The following ATP8B2 variants were observed in gnomAD, a reference collection of about 807,000 sequenced individuals.
ATP8B2 encodes the protein ATPase phospholipid transporting 8B2.
Under a neutral mutation model 133.4 loss-of-function variants are expected in ATP8B2, and 70 were observed. The observed-to-expected ratio is 0.52, with a 90% CI of 0.43 to 0.64. The LOEUF (loss-of-function observed/expected upper bound fraction) is 0.64, where lower values mean the gene tolerates loss of function less well. Ranked by LOEUF, ATP8B2 falls within the 30% of genes least tolerant of loss-of-function variation. ATP8B2 has a pLI of 0.00. For missense variants in ATP8B2, 1,101 were observed against 1,535.7 expected (o/e 0.72, Z 4.73); for synonymous variants, 517 against 589.5 (o/e 0.88, Z 1.78).
At chr1:154,337,119 TA>T (rs68062313) in intron 11 of ATP8B2, among the ~76,000 whole-genome samples, 103,124 of 147,730 alleles carry the variant, frequency 0.7, 36,356 homozygotes, top group South Asian at 0.84. Context: ...TTTTTTTTTT[TA>T]TAATTATTTT....
chr1:154,346,564 CTG>C lies in ATP8B2; in HGVS notation c.3025-55_3025-54del. On this transcript the variant is annotated intron_variant, in intron 25 of 27. Coordinates refer to ENST00000368489, the MANE Select transcript of ATP8B2 (RefSeq NM_001370597.1). The surrounding 1 kb of genome is among the most constrained non-coding windows in gnomAD (Gnocchi z 4.5). ...TGCCCTGGGCACCACAGTTCTGTTT[CTG>C]GGGGAAGGGGCTTTTAGGGCGTGCG... 2 of 1,611,514 alleles carry C rather than the reference CTG, an allele frequency of 1.2e-6. No homozygotes were observed. Among genetic ancestry groups the C allele is most frequent in the African/African-American group, 2.7e-5 (2 of 74,968 alleles).
At chr1:154,348,663 C>A in intron 27 of ATP8B2, 125 bp downstream of exon 27, 1 of 1,441,788 alleles carries the variant, frequency 6.9e-7, no homozygotes, top group East Asian at 2.4e-5. Context: ...TCTGTTCTTC[C>A]TGGGGACAGA....
At position 154,342,858 on chromosome 1, in the gene ATP8B2, C is replaced by T. The variant is rs1182571938; in HGVS notation, c.1350C>T (p.Asp450=). 1.2e-6 allele frequency: 2 copies of T among 1,614,064 alleles called. No individual in the cohort carries two copies. Among genetic ancestry groups the T allele is most frequent in the Non-Finnish European group, 1.7e-6 (2 of 1,180,036 alleles). The change falls in exon 15 of 28, where the codon GAC becomes GAT. Residue 450 remains aspartate, a synonymous_variant. Coordinates refer to ENST00000368489, the MANE Select transcript of ATP8B2 (RefSeq NM_001370597.1). ...CTGACAAGAAGTTCTTATTTTGGGA[C>T]CCCAGCCTGCTGGAGGCTGTCAAGA... is the stretch of plus-strand genomic sequence containing the variant. ...PLADKKFLFW[D]PSLLEAVKIG...
Position 154,332,168 on chromosome 1 carries a change from G to A in ATP8B2, c.509+144G>A, listed in dbSNP as rs74909154. 1,859 of 769,222 alleles carry A rather than the reference G, an allele frequency of 2.4e-3. 34 individuals carry two copies. The African/African-American group carries it at 0.029, about 12-fold the overall frequency. 47.6% of individuals were successfully genotyped at this position (769,222 alleles called of 1,614,324 possible). On this transcript the variant is annotated intron_variant, in intron 8 of 27. Coordinates refer to ENST00000368489, the MANE Select transcript of ATP8B2 (RefSeq NM_001370597.1). ...AAAGGCTTTGGATGGGATGTGTGAA[G>A]TGTTATTCAACCAGTATTTGCTGGG...
rs369520582 is a variant in ATP8B2, at chr1:154,334,491, A to G, written c.749-12A>G. ...TTATTTGGCTTTCCCAGCCCTTCCC[A>G]TTCTTTTCCAGGTCCCGACACTAAG... On this transcript the variant is annotated splice_polypyrimidine_tract_variant and intron_variant, in intron 10 of 27. Transcript: ENST00000368489. The surrounding 1 kb of genome is among the most constrained non-coding windows in gnomAD (Gnocchi z 4.6). The G allele has an allele frequency of 5.4e-5, 87 of 1,613,872 alleles. No individual in the cohort carries two copies. The African/African-American group carries it at 9.5e-4, about 18-fold the overall frequency.
In ATP8B2 at chr1:154,348,947, G is replaced by T. The variant is rs777656802; in HGVS notation, c.3402G>T (p.Gln1134His). Residue 1134 changes from glutamine to histidine, a missense_variant, in exon 28 of 28, where the codon CAG (glutamine) becomes CAT (histidine). Gln to His is a conservative substitution (Grantham distance 24). Coordinates refer to ENST00000368489, the MANE Select transcript of ATP8B2 (RefSeq NM_001370597.1). ...SRRSGYAFSH[Q>H]EGFGELIMSG... Reference sequence around the variant, plus strand: ...GCTCCGGCTATGCCTTCTCCCATCAGGAGGGCTTCGGGGAGCTCATCATGT... The same window carrying T: ...GCTCCGGCTATGCCTTCTCCCATCATGAGGGCTTCGGGGAGCTCATCATGT... The T allele has an allele frequency of 6.2e-7, 1 of 1,614,280 alleles. No individual in the cohort carries two copies. Among genetic ancestry groups the T allele is most frequent in the East Asian group, 2.2e-5 (1 of 44,892 alleles).
chr1:154,332,535 G>A, intron 8 of ATP8B2, 83 bp from the exon 9 acceptor site: 1 of 1,131,138 alleles, frequency 8.8e-7, no homozygotes, highest in Admixed American at 2.0e-5. Flanking sequence ...TCCAGCCTGA[G>A]CAGCAGAGCG....
In ATP8B2 at chr1:154,343,338, C is replaced by T; in HGVS notation, c.1642+37C>T. 1 of 1,610,020 alleles carries T rather than the reference C, an allele frequency of 6.2e-7. No homozygotes were observed. The highest frequency in any genetic ancestry group is 2.2e-5 in the East Asian group (1 of 44,762). On this transcript the variant is annotated intron_variant, in intron 16 of 27. Coordinates refer to ENST00000368489, the MANE Select transcript of ATP8B2 (RefSeq NM_001370597.1). The surrounding 1 kb of genome is among the most constrained non-coding windows in gnomAD (Gnocchi z 5.8). ...CCTGGGGTGCTGGGGCGTTTGGGGA[C>T]AGCATTCAGGCCTGGAATGGGTGAA... is the stretch of plus-strand genomic sequence containing the variant.
chr1:154,348,994 GCT>G lies in ATP8B2; in HGVS notation c.3455_3456del (p.Leu1152ArgfsTer15). On this transcript the variant is annotated frameshift_variant, in exon 28 of 28. Coordinates refer to ENST00000368489, the MANE Select transcript of ATP8B2 (RefSeq NM_001370597.1). LOFTEE classifies it high-confidence loss of function. The stretch of plus-strand genomic sequence containing the variant: ...ATGTCTGGCAAGAACATGCGGCTGA[GCT>G]CTCTCGCGCTCTCCAGCTTCACCAC... 1.2e-6 allele frequency: 2 copies of G among 1,614,274 alleles called. No homozygotes were observed. The highest frequency in any genetic ancestry group is 1.7e-6 in the Non-Finnish European group (2 of 1,180,048).
In ATP8B2 at chr1:154,328,166, C is replaced by T. The variant is rs1407629713; in HGVS notation, c.25C>T (p.Pro9Ser). 1 of 1,613,698 alleles carries T rather than the reference C, an allele frequency of 6.2e-7. No homozygotes were observed. Among genetic ancestry groups the T allele is most frequent in the Non-Finnish European group, 8.5e-7 (1 of 1,179,856 alleles). MAVCAKKR[P>S]PEEERRARAN... ...GATGGCAGTGTGTGCAAAAAAGCGCCCCCCAGGTAAGACAGGCAAGGAGGG... is the reference window on the plus strand; with the variant it reads ...GATGGCAGTGTGTGCAAAAAAGCGCTCCCCAGGTAAGACAGGCAAGGAGGG... Residue 9 changes from proline (P) to serine (S), a missense_variant, in exon 2 of 28, where the codon CCC (proline) becomes TCC (serine). Transcript: ENST00000368489. This position sits in a 1 kb window ranked among gnomAD's most constrained non-coding sequence, Gnocchi z 4.6.
In ATP8B2 at chr1:154,343,242, C is replaced by G; in HGVS notation, c.1583C>G (p.Thr528Ser). The change falls in exon 16 of 28, where the codon ACC (threonine) becomes AGC (serine). Residue 528 changes from threonine (T) to serine (S), a missense_variant. By Grantham distance (58) the Thr-to-Ser change is moderately conservative. Transcript: ENST00000368489. The surrounding 1 kb of genome is among the most constrained non-coding windows in gnomAD (Gnocchi z 5.8). Reference protein sequence around the residue: ...ITVHEMGTAITYQLLAILDFN... With the variant: ...ITVHEMGTAISYQLLAILDFN... ...GTCCATGAGATGGGCACAGCCATCA[C>G]CTACCAGCTGCTGGCCATCCTGGAC... 2.5e-6 allele frequency: 4 copies of G among 1,614,128 alleles called. No homozygotes were observed. The highest frequency in any genetic ancestry group is 3.4e-6 in the Non-Finnish European group (4 of 1,180,028).
intron 2 of ATP8B2, among the ~76,000 whole-genome samples, chr1:154,330,073 G>T (rs1341096011): frequency 6.6e-6 from 1 of 152,214 alleles, no homozygotes; most frequent in Non-Finnish European, 1.5e-5. Flanking sequence ...AGCAAAAGGG[G>T]CTGGGGAATC....
At position 154,344,789 on chromosome 1, in the gene ATP8B2, G is replaced by A; in HGVS notation, c.2286+4G>A. ...GGTCATAAATGGTCACAGCCTGGTA[G>A]GCATCGCTATCCTTAGCTTGGGCAG... On this transcript the variant is annotated splice_donor_region_variant and intron_variant, in intron 21 of 27. Transcript: ENST00000368489. The surrounding 1 kb of genome is among the most constrained non-coding windows in gnomAD (Gnocchi z 4.1). 6.3e-7 allele frequency: 1 copy of A among 1,594,384 alleles called. No homozygotes were observed. Among genetic ancestry groups the A allele is most frequent in the Non-Finnish European group, 8.6e-7 (1 of 1,164,860 alleles).
chr1:154,338,369 G>A (rs1366120483), intron 12 of ATP8B2, among the ~76,000 whole-genome samples: 1 of 152,104 alleles, frequency 6.6e-6, no homozygotes, highest in Non-Finnish European at 1.5e-5. Context: ...ACCATTAAAA[G>A]TTATTGAAAA....
chr1:154,329,883 G>A (rs969205077), intron 2 of ATP8B2, among the ~76,000 whole-genome samples: 1 of 152,126 alleles, frequency 6.6e-6, no homozygotes, highest in African/African-American at 2.4e-5. Context: ...ACATGGGGCT[G>A]GGATGCTCCC....
In ATP8B2 at chr1:154,332,652, G is replaced by C. The variant is rs778259766; in HGVS notation, c.544G>C (p.Val182Leu). The stretch of plus-strand genomic sequence containing the variant: ...CATGAAAGTACGTCAGGCGATTCCA[G>C]TCACCTCAGAATTGGGAGACATCAG... ...TNMKVRQAIP[V>L]TSELGDISKL... The change falls in exon 9 of 28, where the codon GTC becomes CTC. Residue 182 changes from valine (V) to leucine (L), a missense_variant. Physicochemically the swap from Val to Leu is conservative, Grantham distance 32. Transcript: ENST00000368489. 2 of 1,589,364 alleles carry C rather than the reference G, an allele frequency of 1.3e-6. No homozygotes were observed. The highest frequency in any genetic ancestry group is 1.3e-5 in the African/African-American group (1 of 74,568).
intron 1 of ATP8B2, 33 bp downstream of exon 1, chr1:154,325,735 G>C (rs1685763968): frequency 6.5e-6 from 1 of 153,238 alleles, no homozygotes; most frequent in Non-Finnish European, 1.5e-5. Flanking sequence ...GGGGGCGCCC[G>C]GGAGCGCGGG....
chr1:154,327,856 C>T (rs1373028635), intron 1 of ATP8B2: 7 of 1,613,512 alleles, frequency 4.3e-6, no homozygotes, highest in African/African-American at 2.7e-5. Context: ...TCTCCTTTCC[C>T]TACAGGCATG....
In ATP8B2 at chr1:154,345,259, G is replaced by A; in HGVS notation, c.2471-63G>A. On this transcript the variant is annotated intron_variant, in intron 22 of 27. Coordinates refer to ENST00000368489, the MANE Select transcript of ATP8B2 (RefSeq NM_001370597.1). This position sits in a 1 kb window ranked among gnomAD's most constrained non-coding sequence, Gnocchi z 5.6. Reference sequence around the variant, plus strand: ...ATGACGGGAAGGGGGTTGTAACTTGGTAGGCTCTAAAGTGTGTGGCCGGTG... The same window carrying A: ...ATGACGGGAAGGGGGTTGTAACTTGATAGGCTCTAAAGTGTGTGGCCGGTG... The A allele has an allele frequency of 6.2e-7, 1 of 1,604,446 alleles. No homozygotes were observed. Among genetic ancestry groups the A allele is most frequent in the South Asian group, 1.1e-5 (1 of 90,506 alleles).
Sources: gnomAD v4.1 joint callset for allele counts (sites outside exome capture counted in the v4.1 genomes callset) on GRCh38, gnomAD v4.1.1 for gene constraint, Gnocchi (gnomAD v3.1) non-coding constraint, MANE v1.5 for transcripts, NCBI Gene and HGNC (gene_info 2026-07-23, HGNC 2026-07-21) for gene names.